Variants in SPMIP3 observed in about 807,000 individuals in gnomAD.
SPMIP3 encodes protein SPMIP3.
chr1:244,376,930 T>G, the SPMIP3 span, among the ~76,000 whole-genome samples: 2 of 151,666 alleles, frequency 1.3e-5, no homozygotes, highest in Non-Finnish European at 2.9e-5. Flanking sequence ...TGCCTCAGCC[T>G]CCCGAGTAGC....
chr1:244,379,227 CTTT>C, the SPMIP3 span, among the ~76,000 whole-genome samples: 3 of 140,064 alleles, frequency 2.1e-5, no homozygotes, highest in East Asian at 2.1e-4. Context: ...TGCGCCCGGC[CTTT>C]TTTTTTTTTT....
chr1:244,382,757 C>A, the SPMIP3 span, among the ~76,000 whole-genome samples: 3 of 151,834 alleles, frequency 2.0e-5, no homozygotes, highest in Non-Finnish European at 4.4e-5. Context: ...GCGCGCACCA[C>A]CAGGCCCAGC....
chr1:244,380,510 G>A, the SPMIP3 span, among the ~76,000 whole-genome samples: 1 of 152,148 alleles, frequency 6.6e-6, no homozygotes, highest in South Asian at 2.1e-4. Context: ...GCTCCCTGAA[G>A]TAAAGTCCTA....
the SPMIP3 span, chr1:244,388,799 A>G: frequency 1.8e-6 from 1 of 565,604 alleles, no homozygotes; most frequent in Middle Eastern, 3.5e-4. Flanking sequence ...CAACCTTTTG[A>G]CTGAGTCCTT....
At chr1:244,365,100 T>C in the SPMIP3 span, among the ~76,000 whole-genome samples, 3 of 152,120 alleles carry the variant, frequency 2.0e-5, no homozygotes, top group Admixed American at 6.5e-5. Flanking sequence ...TTAGATACCA[T>C]AGGGGAAGAG....
At chr1:244,368,765 G>A in the SPMIP3 span, among the ~76,000 whole-genome samples, 3 of 152,214 alleles carry the variant, frequency 2.0e-5, no homozygotes, top group African/African-American at 7.2e-5. Flanking sequence ...AAATGGCCAA[G>A]CCTCAGAGCT....
the SPMIP3 span, among the ~76,000 whole-genome samples, chr1:244,357,033 C>T: frequency 6.7e-6 from 1 of 148,246 alleles, no homozygotes; most frequent in Non-Finnish European, 1.5e-5. Context: ...AGTGATCCTT[C>T]CATCTCAGCC....
chr1:244,367,555 A>T, the SPMIP3 span, among the ~76,000 whole-genome samples: 4 of 152,122 alleles, frequency 2.6e-5, no homozygotes, highest in African/African-American at 9.7e-5. Flanking sequence ...CAACAAGACT[A>T]GTTCAGGTGC....
At chr1:244,380,538 C>T in the SPMIP3 span, among the ~76,000 whole-genome samples, 2 of 152,146 alleles carry the variant, frequency 1.3e-5, no homozygotes, top group East Asian at 3.9e-4. Flanking sequence ...CCCAATTTTA[C>T]TGTAGGAAAA....
chr1:244,364,091 A>G, the SPMIP3 span, among the ~76,000 whole-genome samples: 2 of 150,646 alleles, frequency 1.3e-5, no homozygotes, highest in South Asian at 4.2e-4. Flanking sequence ...ACATTAGCAC[A>G]GTACCTTTGC....
At chr1:244,358,187 G>A in the SPMIP3 span, among the ~76,000 whole-genome samples, 4 of 151,974 alleles carry the variant, frequency 2.6e-5, no homozygotes, top group Admixed American at 1.3e-4. Flanking sequence ...CCAAGATCAC[G>A]CCATTGCACT....
chr1:244,379,830 T>C, the SPMIP3 span, among the ~76,000 whole-genome samples: 7 of 151,570 alleles, frequency 4.6e-5, no homozygotes, highest in Non-Finnish European at 7.4e-5. Context: ...AAATACAAAG[T>C]GGTGGTGCAT....
the SPMIP3 span, among the ~76,000 whole-genome samples, chr1:244,368,482 C>G: frequency 1.3e-5 from 2 of 152,218 alleles, no homozygotes; most frequent in Non-Finnish European, 2.9e-5. Flanking sequence ...CTTAAACTCA[C>G]GTCTGTGCTT....
At chr1:244,383,455 G>A in the SPMIP3 span, among the ~76,000 whole-genome samples, 1 of 152,086 alleles carries the variant, frequency 6.6e-6, no homozygotes, top group Non-Finnish European at 1.5e-5. Flanking sequence ...GGCTGCATGA[G>A]GTATGATTAT....
chr1:244,379,073 C>T, the SPMIP3 span, among the ~76,000 whole-genome samples: 3 of 152,042 alleles, frequency 2.0e-5, no homozygotes, highest in South Asian at 4.2e-4. Context: ...GGACTACAGG[C>T]GCCGCCACCA....
chr1:244,380,897 G>A, the SPMIP3 span, among the ~76,000 whole-genome samples: 2 of 151,924 alleles, frequency 1.3e-5, no homozygotes, highest in South Asian at 4.2e-4. Context: ...GGGGGCCAGA[G>A]GTTGCCAGCA....
chr1:244,366,117 C>G, the SPMIP3 span, among the ~76,000 whole-genome samples: 1 of 152,140 alleles, frequency 6.6e-6, no homozygotes, highest in African/African-American at 2.4e-5. Context: ...TGGGGGTCAG[C>G]CTCCTGTAGC....
chr1:244,353,407 C>A, the SPMIP3 span, among the ~76,000 whole-genome samples: 1 of 152,144 alleles, frequency 6.6e-6, no homozygotes, highest in African/African-American at 2.4e-5. Flanking sequence ...ACAACAACAA[C>A]AACAAAAAAC....
the SPMIP3 span, chr1:244,389,558 C>G: frequency 1.3e-5 from 2 of 152,364 alleles, no homozygotes; most frequent in African/African-American, 4.8e-5. Flanking sequence ...GGAGTTAGCA[C>G]CCCTATCTTG....
Sources: allele counts gnomAD v4.1 joint callset (sites outside exome capture counted in the v4.1 genomes callset), GRCh38; gene constraint gnomAD v4.1.1; transcripts MANE v1.5; gene names NCBI Gene and HGNC (gene_info 2026-07-23, HGNC 2026-07-21).